RADIL: variants seen among roughly 807,000 people sequenced by gnomAD.
The protein encoded by RADIL is Rap associating with DIL domain, also known as ras-associating and dilute domain-containing protein.
Under a neutral mutation model 97.6 loss-of-function variants are expected in RADIL, and 99 were observed. The observed-to-expected ratio is 1.01, with a 90% CI of 0.86 to 1.20. The LOEUF is 1.20. RADIL is among the 50% of genes most tolerant of loss of function. RADIL has a pLI of 0.00. For missense variants in RADIL, 1,765 were observed against 1,498.9 expected, an observed-to-expected ratio of 1.18 and a Z score of -2.93; for synonymous variants, 803 against 691.8, an observed-to-expected ratio of 1.16 and a Z score of -2.52.
chr7:4,827,224 G>C (rs996475858), intron 5 of RADIL, among the ~76,000 whole-genome samples: 1 of 152,018 alleles, frequency 6.6e-6, no homozygotes, highest in Admixed American at 6.6e-5. Flanking sequence ...AATTAGCCGG[G>C]CATGGTGGCA....
intron 5 of RADIL, among the ~76,000 whole-genome samples, chr7:4,831,716 C>A (rs946696760): frequency 7.4e-6 from 1 of 135,354 alleles, no homozygotes; most frequent in Non-Finnish European, 1.6e-5. Context: ...CCCATCTCTA[C>A]TAAAAGTACA....
At chr7:4,828,372 C>A (rs1013104926) in intron 5 of RADIL, among the ~76,000 whole-genome samples, 4 of 152,324 alleles carry the variant, frequency 2.6e-5, no homozygotes, top group South Asian at 2.1e-4. Flanking sequence ...GAGCGGGAAT[C>A]GCTTCAGCCC....
At chr7:4,871,362 G>A (rs949959280) in intron 2 of RADIL, among the ~76,000 whole-genome samples, 3 of 152,212 alleles carry the variant, frequency 2.0e-5, no homozygotes, top group Non-Finnish European at 2.9e-5. Flanking sequence ...CAGAACTCAC[G>A]GCACCCCGTC....
chr7:4,800,270 C>CGGGGCTGGAGGGGACTCCTCCGCA lies in RADIL; in HGVS notation c.2859_2882dup (p.Ala954_Pro961dup). ...CCTCGGTGCTGGAGCTGCGGCTGGA[C>CGGGGCTGGAGGGGACTCCTCCGCA]GGGGCTGGAGGGGACTCCTCCGCAA... On this transcript the variant is annotated inframe_insertion, in exon 13 of 15. Coordinates refer to ENST00000399583, the MANE Select transcript of RADIL (RefSeq NM_018059.5). The CGGGGCTGGAGGGGACTCCTCCGCA allele has an allele frequency of 6.5e-6, 10 of 1,538,190 alleles. No individual in the cohort carries two copies. The South Asian group carries it at 7.6e-5, about 12-fold the overall frequency.
rs113106375 is a variant in RADIL, at chr7:4,817,833, C to T, written c.1616-482G>A. ...AAATCAGCTATTTCACCCCCACCCC[C>T]GGGTGTCAGCCGGGGCGGCTGGAGC... On this transcript the variant is annotated intron_variant, in intron 6 of 14. Transcript: ENST00000399583. This position sits in a 1 kb window ranked among gnomAD's most constrained non-coding sequence, Gnocchi z 8.3. Among the ~76,000 whole-genome samples, 77 of 152,296 alleles carry T rather than the reference C, an allele frequency of 5.1e-4. 1 individual carries two copies. The highest frequency in any genetic ancestry group is 2.3e-3 in the South Asian group (11 of 4,824).
chr7:4,825,905 AAAAG>A (rs1402776689), intron 5 of RADIL, among the ~76,000 whole-genome samples: 5 of 141,642 alleles, frequency 3.5e-5, no homozygotes, highest in Admixed American at 6.8e-5. Context: ...AAAAAAAAAA[AAAAG>A]GGAAATGAAA....
At chr7:4,863,965 A>G (rs1784079207) in intron 2 of RADIL, among the ~76,000 whole-genome samples, 1 of 152,124 alleles carries the variant, frequency 6.6e-6, no homozygotes, top group South Asian at 2.1e-4. Context: ...AGCCCTAGAG[A>G]CTTCCTTTAT....
At chr7:4,861,836 A>ACGTCCCCCACCACCGCGACCTTCT (rs1454288799) in intron 2 of RADIL, 2 of 1,405,724 alleles carry the variant, frequency 1.4e-6, no homozygotes, top group Admixed American at 6.3e-5. Context: ...CCGCCAGGGC[A>ACGTCCCCCACCACCGCGACCTTCT]CGTCCCCCAC....
intron 5 of RADIL, among the ~76,000 whole-genome samples, chr7:4,826,156 TC>T (rs1782970015): frequency 6.6e-6 from 1 of 150,430 alleles, no homozygotes; most frequent in Non-Finnish European, 1.5e-5. Flanking sequence ...TGCAGTGAGC[TC>T]TGACTGTACC....
At position 4,832,129 on chromosome 7, in the gene RADIL, G is replaced by C. The variant is rs761071855; in HGVS notation, c.1454+12C>G. The C allele has an allele frequency of 8.1e-6, 13 of 1,606,572 alleles. No homozygotes were observed. The South Asian group carries it at 1.4e-4, about 18-fold the overall frequency. On this transcript the variant is annotated intron_variant, in intron 5 of 14. Coordinates refer to ENST00000399583, the MANE Select transcript of RADIL (RefSeq NM_018059.5). ...TGCCCAGAGGCGGGCACAATAACCG[G>C]GTCATACTCACAGTTGCGCCTGCTT...
intron 2 of RADIL, among the ~76,000 whole-genome samples, chr7:4,852,421 C>T (rs547348197): frequency 6.6e-6 from 1 of 152,178 alleles, no homozygotes; most frequent in Non-Finnish European, 1.5e-5. Context: ...GCCAGTGGCA[C>T]CTTTTTACCT....
At chr7:4,811,778 C>T (rs1457979049) in intron 9 of RADIL, among the ~76,000 whole-genome samples, 7 of 152,072 alleles carry the variant, frequency 4.6e-5, no homozygotes, top group Admixed American at 1.3e-4. Flanking sequence ...TGAGCCACCG[C>T]GCCTGGCCTA....
Position 4,803,769 on chromosome 7 carries a change from G to T in RADIL, c.2291-15C>A. Reference sequence around the variant, plus strand: ...CAGAACATCCTCTGCAGGGGAGAGAGGATGCCCGTAATGGCCACAGGAGAA... The same window carrying T: ...CAGAACATCCTCTGCAGGGGAGAGATGATGCCCGTAATGGCCACAGGAGAA... On this transcript the variant is annotated splice_polypyrimidine_tract_variant and intron_variant, in intron 10 of 14. Transcript: ENST00000399583. The T allele has an allele frequency of 6.5e-7, 1 of 1,548,596 alleles. No homozygotes were observed. The highest frequency in any genetic ancestry group is 8.7e-7 in the Non-Finnish European group (1 of 1,144,250).
chr7:4,808,279 C>T (rs1183418976), intron 9 of RADIL, among the ~76,000 whole-genome samples: 1 of 151,490 alleles, frequency 6.6e-6, no homozygotes. Flanking sequence ...CTCCCAGGCT[C>T]TGCACAGCTT....
chr7:4,852,021 C>T (rs1309496120), intron 2 of RADIL, among the ~76,000 whole-genome samples: 2 of 152,192 alleles, frequency 1.3e-5, no homozygotes, highest in Admixed American at 1.3e-4. Context: ...TGTCCCTCCA[C>T]CATCTCACCA....
At chr7:4,830,539 C>A (rs1027331282) in intron 5 of RADIL, among the ~76,000 whole-genome samples, 3 of 152,064 alleles carry the variant, frequency 2.0e-5, no homozygotes, top group Non-Finnish European at 2.9e-5. Context: ...ATCGGGAGAG[C>A]AAGGGAGGAG....
intron 2 of RADIL, among the ~76,000 whole-genome samples, chr7:4,863,145 C>G (rs1212344857): frequency 2.6e-5 from 4 of 152,140 alleles, no homozygotes; most frequent in African/African-American, 9.7e-5. Context: ...AGATTACCTC[C>G]AAGTCCTCTC....
intron 5 of RADIL, among the ~76,000 whole-genome samples, chr7:4,827,379 G>A (rs1385596114): frequency 6.6e-6 from 1 of 150,434 alleles, no homozygotes; most frequent in African/African-American, 2.5e-5. Context: ...AAAAAAAAGG[G>A]CCGGGTGCGG....
chr7:4,805,646 T>C lies in RADIL; in HGVS notation c.2210A>G (p.His737Arg). The C allele has an allele frequency of 6.2e-7, 1 of 1,611,816 alleles. No homozygotes were observed. The highest frequency in any genetic ancestry group is 8.5e-7 in the Non-Finnish European group (1 of 1,179,872). Residue 737 changes from histidine (H) to arginine (R), a missense_variant, in exon 10 of 15, where the codon CAC (histidine) becomes CGC (arginine). Coordinates refer to ENST00000399583, the MANE Select transcript of RADIL (RefSeq NM_018059.5). Reference protein sequence around the residue: ...SPAQLHRLLTHYQLASAMGPM... With the variant: ...SPAQLHRLLTRYQLASAMGPM... Reference sequence around the variant, plus strand: ...GCCCATGGCCGAGGCCAGCTGGTAGTGAGTCAGCAGCCGGTGCAGCTGTGC... The same window carrying C: ...GCCCATGGCCGAGGCCAGCTGGTAGCGAGTCAGCAGCCGGTGCAGCTGTGC...
Sources: gnomAD v4.1 joint callset for allele counts (sites outside exome capture counted in the v4.1 genomes callset) on GRCh38, gnomAD v4.1.1 for gene constraint, Gnocchi (gnomAD v3.1) non-coding constraint, MANE v1.5 for transcripts, NCBI Gene and HGNC (gene_info 2026-07-23, HGNC 2026-07-21) for gene names.